Variants in TECRL observed in about 807,000 individuals in gnomAD.
TECRL encodes the protein trans-2,3-enoyl-CoA reductase-like.
Under a neutral mutation model 52.8 loss-of-function variants are expected in TECRL, and 63 were observed. The ratio of observed to expected loss-of-function variants is 1.19; its 90% CI spans 0.97 to 1.47. TECRL has a LOEUF of 1.47. Ranked by LOEUF, TECRL falls within the 40% of genes most tolerant of loss-of-function variation. The pLI is 0.00. For missense variants in TECRL, 482 were observed against 429.6 expected, an observed-to-expected ratio of 1.12 and a Z score of -1.08; for synonymous variants, 164 against 141.9, an observed-to-expected ratio of 1.16 and a Z score of -1.10.
intron 2 of TECRL, among the ~76,000 whole-genome samples, chr4:64,373,497 G>A (rs551425023): frequency 2.6e-5 from 4 of 151,700 alleles, no homozygotes; most frequent in South Asian, 2.1e-4. Flanking sequence ...TAGAAAACGC[G>A]TTCCTTTAAA....
At chr4:64,348,521 G>A (rs1267764878) in intron 2 of TECRL, among the ~76,000 whole-genome samples, 1 of 152,002 alleles carries the variant, frequency 6.6e-6, no homozygotes, top group African/African-American at 2.4e-5. Flanking sequence ...CTTTATTTTT[G>A]ATCCTACCTC....
At chr4:64,387,123 CATT>C (rs1723231330) in intron 1 of TECRL, among the ~76,000 whole-genome samples, 1 of 152,172 alleles carries the variant, frequency 6.6e-6, no homozygotes, top group African/African-American at 2.4e-5. Context: ...TAGCTGTCAT[CATT>C]GTTTTGCCTT....
At chr4:64,375,249 ATTT>A in intron 1 of TECRL, 26 bp from the exon 2 acceptor site, 1 of 1,228,166 alleles carries the variant, frequency 8.1e-7, no homozygotes, top group Non-Finnish European at 1.1e-6. Flanking sequence ...AAATAGAGTT[ATTT>A]TTAAAAACTG....
chr4:64,291,635 CTTAT>C (rs1262497007), intron 8 of TECRL, among the ~76,000 whole-genome samples: 1 of 151,768 alleles, frequency 6.6e-6, no homozygotes, highest in African/African-American at 2.4e-5. Context: ...CTTCTTCCTG[CTTAT>C]TTATCACAAC....
chr4:64,361,925 C>G (rs989696176), intron 2 of TECRL, among the ~76,000 whole-genome samples: 4 of 152,228 alleles, frequency 2.6e-5, no homozygotes, highest in African/African-American at 9.6e-5. Flanking sequence ...CATCAAGATA[C>G]AGCAGAAGGT....
chr4:64,355,680 T>TA (rs889986108), intron 2 of TECRL, among the ~76,000 whole-genome samples: 2 of 151,108 alleles, frequency 1.3e-5, no homozygotes, highest in African/African-American at 4.9e-5. Context: ...CAGGCACCTG[T>TA]AGTCCCAGCT....
In TECRL at chr4:64,281,027, T is replaced by A; in HGVS notation, c.964+14A>T. ...CATTTATTTTGATTAATTATCAGTA[T>A]ATCTAGGTCTTACCTGGCAGTGTTT... On this transcript the variant is annotated intron_variant, in intron 11 of 11. Coordinates refer to ENST00000381210, the MANE Select transcript of TECRL (RefSeq NM_001010874.5). 6.3e-7 allele frequency: 1 copy of A among 1,579,434 alleles called. No individual in the cohort carries two copies. Among genetic ancestry groups the A allele is most frequent in the East Asian group, 2.3e-5 (1 of 44,252 alleles).
intron 2 of TECRL, among the ~76,000 whole-genome samples, chr4:64,329,442 G>C (rs1486156594): frequency 6.6e-6 from 1 of 151,670 alleles, no homozygotes; most frequent in Non-Finnish European, 1.5e-5. Context: ...AGAAACCATG[G>C]ACAGAGCCTC....
chr4:64,337,954 A>G (rs1291688848), intron 2 of TECRL, among the ~76,000 whole-genome samples: 2 of 152,178 alleles, frequency 1.3e-5, no homozygotes, highest in Admixed American at 1.3e-4. Context: ...ATGGAGCCAA[A>G]AAAGAACCCA....
chr4:64,349,134 C>T (rs867136293), intron 2 of TECRL, among the ~76,000 whole-genome samples: 2 of 138,084 alleles, frequency 1.4e-5, no homozygotes, highest in African/African-American at 5.5e-5. Flanking sequence ...TTATAAAAAA[C>T]GTTTTTTTTT....
At position 64,393,135 on chromosome 4, in the gene TECRL, G is replaced by C. The variant is rs1723663129; in HGVS notation, c.234+15983C>G. On this transcript the variant is annotated intron_variant, in intron 1 of 11. Transcript: ENST00000381210. The stretch of plus-strand genomic sequence containing the variant: ...TCTACCAATAGTTCAGTCTGTTTCC[G>C]TTACCAAAATCTGTGATATAATTGA... Among the ~76,000 whole-genome samples the C allele has an allele frequency of 3.3e-5, 5 of 152,028 alleles. No individual in the cohort carries two copies. In the South Asian group the frequency reaches 8.3e-4, roughly 25 times the overall value.
chr4:64,332,758 G>A (rs1718735030), intron 2 of TECRL, among the ~76,000 whole-genome samples: 1 of 152,110 alleles, frequency 6.6e-6, no homozygotes, highest in Non-Finnish European at 1.5e-5. Flanking sequence ...GAGAAAAATA[G>A]TGAACTGGAA....
chr4:64,305,175 T>G lies in TECRL; in HGVS notation c.721A>C (p.Thr241Pro). ...AAGAAACCCTACATACATGGTGGTG[T>G]ATATAGTGGATGATTAATGTAGTAG... ...IAYYINHPLY[T>P]PPSFGNRQIT... Residue 241 changes from threonine (T) to proline (P), a missense_variant, in exon 7 of 12, where the codon ACA becomes CCA. Physicochemically the swap from Thr to Pro is conservative, Grantham distance 38 (BLOSUM62 -1). Transcript: ENST00000381210. 1 of 1,612,032 alleles carries G rather than the reference T, an allele frequency of 6.2e-7. No homozygotes were observed. Among genetic ancestry groups the G allele is most frequent in the Non-Finnish European group, 8.5e-7 (1 of 1,178,602 alleles).
chr4:64,337,455 G>C (rs1293299098), intron 2 of TECRL, among the ~76,000 whole-genome samples: 1 of 152,054 alleles, frequency 6.6e-6, no homozygotes, highest in Non-Finnish European at 1.5e-5. Context: ...AGAAATAAAG[G>C]GTATTCAATT....
At chr4:64,308,073 C>T (rs563690188) in intron 6 of TECRL, among the ~76,000 whole-genome samples, 4 of 152,220 alleles carry the variant, frequency 2.6e-5, no homozygotes, top group African/African-American at 4.8e-5. Flanking sequence ...GTTATCTCCC[C>T]GTTCCACCTA....
chr4:64,350,113 A>C, intron 2 of TECRL, among the ~76,000 whole-genome samples: 1 of 18,642 alleles, frequency 5.4e-5, no homozygotes, highest in Non-Finnish European at 2.5e-4. Flanking sequence ...TTACTTAAAT[A>C]AAAAGTTATC....
chr4:64,306,016 T>C (rs1724315950), intron 6 of TECRL, among the ~76,000 whole-genome samples: 1 of 152,124 alleles, frequency 6.6e-6, no homozygotes, highest in Non-Finnish European at 1.5e-5. Flanking sequence ...AACTCAGACC[T>C]CACTAAACTA....
intron 8 of TECRL, chr4:64,298,773 A>G (rs1360478368): frequency 6.6e-6 from 1 of 151,208 alleles, no homozygotes; most frequent in Non-Finnish European, 1.5e-5. Flanking sequence ...TTAATCTAAA[A>G]CATACTGAAA....
chr4:64,310,504 A>G (rs1222306400), intron 5 of TECRL, among the ~76,000 whole-genome samples: 2 of 151,980 alleles, frequency 1.3e-5, no homozygotes, highest in Admixed American at 1.3e-4. Flanking sequence ...GTGTTGCTGT[A>G]CTCTAAGTTA....
Sources: allele counts gnomAD v4.1 joint callset (sites outside exome capture counted in the v4.1 genomes callset), GRCh38; gene constraint gnomAD v4.1.1; transcripts MANE v1.5; gene names NCBI Gene and HGNC (gene_info 2026-07-23, HGNC 2026-07-21).